ADGRB3: variants seen among roughly 807,000 people sequenced by gnomAD.
ADGRB3 encodes the protein adhesion G protein-coupled receptor B3.
In ADGRB3, 37 loss-of-function variants were observed where a neutral mutation model predicts 193.4. The ratio of observed to expected loss-of-function variants is 0.19; its 90% CI spans 0.15 to 0.25. ADGRB3 has a LOEUF of 0.25. Ranked by LOEUF, ADGRB3 falls within the 10% of genes least tolerant of loss-of-function variation. ADGRB3 has a pLI of 1.00. For missense variants in ADGRB3, 1,637 were observed against 1,852.9 expected (o/e 0.88, Z 2.14); for synonymous variants, 690 against 644.2 (o/e 1.07, Z -1.08).
intron 3 of ADGRB3, among the ~76,000 whole-genome samples, chr6:68,691,515 T>C (rs1280267448): frequency 1.3e-5 from 2 of 152,062 alleles, no homozygotes; most frequent in Non-Finnish European, 2.9e-5. Flanking sequence ...AATCCTCTGA[T>C]TGAAAATAGT....
chr6:68,924,407 G>A (rs955908578), intron 3 of ADGRB3, among the ~76,000 whole-genome samples: 12 of 151,878 alleles, frequency 7.9e-5, no homozygotes, highest in African/African-American at 2.9e-4. Context: ...AAATGTTTGA[G>A]GAGTTCCAAA....
chr6:68,749,613 G>A (rs981056862), intron 3 of ADGRB3, among the ~76,000 whole-genome samples: 1 of 151,924 alleles, frequency 6.6e-6, no homozygotes, highest in Non-Finnish European at 1.5e-5. Flanking sequence ...AATTACTCTG[G>A]CTGTCAAGAA....
intron 13 of ADGRB3, among the ~76,000 whole-genome samples, chr6:69,020,619 G>T (rs1010884260): frequency 4.6e-5 from 7 of 152,040 alleles, no homozygotes; most frequent in Non-Finnish European, 8.8e-5. Flanking sequence ...TGTCCATCTT[G>T]CCTGAGGATA....
At chr6:68,753,350 C>T (rs903867213) in intron 3 of ADGRB3, among the ~76,000 whole-genome samples, 1 of 152,166 alleles carries the variant, frequency 6.6e-6, no homozygotes, top group Non-Finnish European at 1.5e-5. Flanking sequence ...TTATCTAAGT[C>T]TCTTGGGTGT....
intron 3 of ADGRB3, among the ~76,000 whole-genome samples, chr6:68,672,012 A>T (rs1419388767): frequency 6.6e-6 from 1 of 151,942 alleles, no homozygotes; most frequent in Non-Finnish European, 1.5e-5. Context: ...TGCATCTAGG[A>T]ATTTGCCATT....
intron 20 of ADGRB3, among the ~76,000 whole-genome samples, chr6:69,282,255 AG>A (rs1163574553): frequency 1.3e-5 from 2 of 152,192 alleles, no homozygotes; most frequent in Non-Finnish European, 2.9e-5. Context: ...CGTTTTGAAA[AG>A]GCATAAGATG....
Position 68,741,370 on chromosome 6 carries a change from T to A in ADGRB3, c.757+101938T>A, listed in dbSNP as rs143067340. Among the ~76,000 whole-genome samples, 537 of 152,234 alleles carry A rather than the reference T, an allele frequency of 3.5e-3. 4 individuals are homozygous for A. Among genetic ancestry groups the A allele is most frequent in the African/African-American group, 0.011 (437 of 41,532 alleles). ...TGAATACAAGCAGTCTGGCTTTTTT[T>A]AAATTTTTTTTAATATTTTATTTTT... is the stretch of plus-strand genomic sequence containing the variant. On this transcript the variant is annotated intron_variant, in intron 3 of 31. Transcript: ENST00000370598.
intron 6 of ADGRB3, among the ~76,000 whole-genome samples, chr6:68,948,256 G>GT (rs1767825802): frequency 6.6e-6 from 1 of 152,088 alleles, no homozygotes; most frequent in Non-Finnish European, 1.5e-5. Flanking sequence ...TTCTGATATG[G>GT]TTTAGGTCTA....
intron 3 of ADGRB3, among the ~76,000 whole-genome samples, chr6:68,684,587 T>C (rs578216737): frequency 6.6e-6 from 1 of 152,110 alleles, no homozygotes; most frequent in Non-Finnish European, 1.5e-5. Flanking sequence ...TCTTTTAATA[T>C]AACCTTTATT....
Position 68,643,438 on chromosome 6 carries a change from C to CTTTTTTTT in ADGRB3, c.757+4021_757+4028dup, listed in dbSNP as rs765489730. 2.3e-3 allele frequency among the ~76,000 whole-genome samples: 148 copies of CTTTTTTTT among 65,034 alleles called. 5 individuals are homozygous for CTTTTTTTT. Among genetic ancestry groups the CTTTTTTTT allele is most frequent in the East Asian group, 3.8e-3 (7 of 1,862 alleles). 42.7% of individuals were successfully genotyped at this position (65,034 alleles called of 152,430 possible). A position where few individuals can be genotyped will look rare whatever the true frequency, so the allele number is the denominator to read the frequency against. ...CTTTCTCTTTACACTCTTCATCTTC[C>CTTTTTTTT]TTTTTTTTTTTTTTTTTTTTTTCGT... On this transcript the variant is annotated intron_variant, in intron 3 of 31. Transcript: ENST00000370598.
intron 3 of ADGRB3, among the ~76,000 whole-genome samples, chr6:68,789,807 G>GTCCCATTTTCACATA (rs1295540818): frequency 6.6e-6 from 1 of 152,010 alleles, no homozygotes; most frequent in Admixed American, 6.6e-5. Context: ...ACATAGATTT[G>GTCCCATTTTCACATA]GTCTTTTCAC....
At chr6:69,100,828 A>AGGGAGGGAG (rs1265430759) in intron 17 of ADGRB3, among the ~76,000 whole-genome samples, 7 of 77,564 alleles carry the variant, frequency 9.0e-5, no homozygotes, top group Non-Finnish European at 1.4e-4. Context: ...GAAGGAAAGA[A>AGGGAGGGAG]GGAAGGAAGG....
chr6:69,359,208 G>A (rs1258368956), intron 28 of ADGRB3, among the ~76,000 whole-genome samples: 1 of 151,386 alleles, frequency 6.6e-6, no homozygotes, highest in East Asian at 1.9e-4. Flanking sequence ...GTTCCTTACT[G>A]AATTTGGAGA....
intron 3 of ADGRB3, among the ~76,000 whole-genome samples, chr6:68,869,800 T>A (rs1257200394): frequency 6.6e-6 from 1 of 152,032 alleles, no homozygotes; most frequent in Admixed American, 6.6e-5. Context: ...AGACAGAGTC[T>A]CACTCGCTCA....
At chr6:69,158,524 G>A (rs982222218) in intron 17 of ADGRB3, among the ~76,000 whole-genome samples, 1 of 151,500 alleles carries the variant, frequency 6.6e-6, no homozygotes, top group African/African-American at 2.4e-5. Flanking sequence ...AAGACATTCT[G>A]GCTAAGAATT....
intron 13 of ADGRB3, among the ~76,000 whole-genome samples, chr6:69,025,657 G>A (rs1368715632): frequency 6.6e-6 from 1 of 151,710 alleles, no homozygotes; most frequent in African/African-American, 2.4e-5. Context: ...CCTGAAGCTA[G>A]TGGGTATTTT....
At chr6:68,711,122 C>T (rs762167274) in intron 3 of ADGRB3, among the ~76,000 whole-genome samples, 8 of 152,110 alleles carry the variant, frequency 5.3e-5, no homozygotes, top group Non-Finnish European at 1.0e-4. Flanking sequence ...CAGTTCTCTG[C>T]ATCCTCATGG....
In ADGRB3 at chr6:68,956,625, C is replaced by CCA. The variant is rs1562099696; in HGVS notation, c.1361-19_1361-18dup. The CCA allele has an allele frequency of 1.9e-6, 3 of 1,613,368 alleles. No homozygotes were observed. In the South Asian group the frequency reaches 3.3e-5, roughly 18 times the overall value. ...GTGTGTGGTAGATGACTGACATTGACCATGAAACATTTCTTTCAGCCAATG... is the reference window on the plus strand; with the variant it reads ...GTGTGTGGTAGATGACTGACATTGACCACATGAAACATTTCTTTCAGCCAATG... On this transcript the variant is annotated intron_variant, in intron 7 of 31. Transcript: ENST00000370598.
chr6:69,154,482 C>T (rs1774774623), intron 17 of ADGRB3, among the ~76,000 whole-genome samples: 1 of 152,190 alleles, frequency 6.6e-6, no homozygotes, highest in Admixed American at 6.5e-5. Flanking sequence ...CAACCATTTG[C>T]AATTTTCCCA....
Sources: gnomAD v4.1 joint callset for allele counts (sites outside exome capture counted in the v4.1 genomes callset) on GRCh38, gnomAD v4.1.1 for gene constraint, MANE v1.5 for transcripts, NCBI Gene and HGNC (gene_info 2026-07-23, HGNC 2026-07-21) for gene names.